AGBL1: variants seen among roughly 807,000 people sequenced by gnomAD.
AGBL1 encodes cytosolic carboxypeptidase 4.
A neutral mutation model predicts 118.9 loss-of-function variants in AGBL1; 130 were observed. The ratio of observed to expected loss-of-function variants is 1.09; its 90% CI spans 0.95 to 1.26. AGBL1 has a LOEUF of 1.26. AGBL1 is among the 50% of genes most tolerant of loss of function. AGBL1 has a pLI of 0.00. For missense variants in AGBL1, 1,584 were observed against 1,298.1 expected (o/e 1.22, Z -3.38); for synonymous variants, 555 against 478.9 (o/e 1.16, Z -2.08).
At chr15:86,722,545 A>G (rs1210373597) in intron 22 of AGBL1, among the ~76,000 whole-genome samples, 1 of 152,220 alleles carries the variant, frequency 6.6e-6, no homozygotes, top group Non-Finnish European at 1.5e-5. Flanking sequence ...ACCTAAAACC[A>G]TAAAAACCCT....
intron 18 of AGBL1, among the ~76,000 whole-genome samples, chr15:86,501,549 C>G (rs1381550352): frequency 5.3e-5 from 8 of 151,510 alleles, no homozygotes; most frequent in Non-Finnish European, 1.2e-4. Context: ...GATTTATTGT[C>G]ATGTTTCTTC....
intron 13 of AGBL1, among the ~76,000 whole-genome samples, chr15:86,268,624 T>A (rs1010861734): frequency 6.6e-6 from 1 of 152,190 alleles, no homozygotes; most frequent in African/African-American, 2.4e-5. Context: ...TTATGATTAC[T>A]TTTTGGAGAG....
intron 21 of AGBL1, among the ~76,000 whole-genome samples, chr15:86,637,722 C>G (rs1412619490): frequency 6.6e-6 from 1 of 152,002 alleles, no homozygotes; most frequent in African/African-American, 2.4e-5. Context: ...TCAGATTTTG[C>G]AGGTAGAATC....
At chr15:86,918,412 T>A (rs1400445617), downstream of AGBL1, among the ~76,000 whole-genome samples, 3 of 152,086 alleles carry the variant, frequency 2.0e-5, no homozygotes, top group East Asian at 5.8e-4. Context: ...GCAGTGGACA[T>A]CTCCTCCCTT....
chr15:86,279,148 G>A (rs577408162), intron 15 of AGBL1, among the ~76,000 whole-genome samples: 2 of 152,306 alleles, frequency 1.3e-5, no homozygotes, highest in Admixed American at 1.3e-4. Flanking sequence ...GTTAAATGTT[G>A]AATTGGAACT....
rs577854326 is a variant in AGBL1, at chr15:86,426,108, T to C, written c.2555+28562T>C. Among the ~76,000 whole-genome samples, 3 of 152,226 alleles carry C rather than the reference T, an allele frequency of 2.0e-5. No individual in the cohort carries two copies. In the South Asian group the frequency reaches 6.2e-4, roughly 32 times the overall value. On this transcript the variant is annotated intron_variant, in intron 18 of 22. Transcript: ENST00000614907. ...AACATATGTAGCAGAACACATGTAG[T>C]AGAAAACAGGAACCAATATAGAAAT...
intron 21 of AGBL1, among the ~76,000 whole-genome samples, chr15:86,569,020 T>C (rs2083961367): frequency 6.6e-6 from 1 of 152,214 alleles, no homozygotes; most frequent in African/African-American, 2.4e-5. Context: ...GTTTTTTTTT[T>C]TCACTCCCAT....
At chr15:86,420,463 G>T (rs751875352) in intron 18 of AGBL1, among the ~76,000 whole-genome samples, 4 of 152,120 alleles carry the variant, frequency 2.6e-5, no homozygotes, top group Non-Finnish European at 2.9e-5. Context: ...CCATCTGAAG[G>T]TCACCAACAT....
intron 17 of AGBL1, among the ~76,000 whole-genome samples, chr15:86,381,999 G>A (rs1017391255): frequency 6.6e-6 from 1 of 152,202 alleles, no homozygotes; most frequent in African/African-American, 2.4e-5. Flanking sequence ...TATTTAGGAG[G>A]TGGGAATGAT....
intron 24 of AGBL1, among the ~76,000 whole-genome samples, chr15:86,994,749 A>G (rs1030482171): frequency 6.8e-6 from 1 of 147,960 alleles, no homozygotes; most frequent in African/African-American, 2.7e-5. Context: ...AAGCCATTAA[A>G]AGGCTTTCCA....
At chr15:86,729,887 C>A (rs906248107) in intron 22 of AGBL1, among the ~76,000 whole-genome samples, 1 of 152,126 alleles carries the variant, frequency 6.6e-6, no homozygotes, top group Non-Finnish European at 1.5e-5. Context: ...ACATTCCCAC[C>A]GGCAGTATAT....
intron 22 of AGBL1, among the ~76,000 whole-genome samples, chr15:86,873,677 C>T (rs1479242918): frequency 1.3e-5 from 2 of 152,152 alleles, no homozygotes; most frequent in African/African-American, 4.8e-5. Flanking sequence ...AGGATATGAG[C>T]CCTCACCAAA....
chr15:86,221,695 GTT>G (rs2078282848), intron 5 of AGBL1, among the ~76,000 whole-genome samples: 1 of 151,888 alleles, frequency 6.6e-6, no homozygotes, highest in African/African-American at 2.4e-5. Flanking sequence ...GATTTCAGAT[GTT>G]TATTCTTATA....
intron 22 of AGBL1, among the ~76,000 whole-genome samples, chr15:86,768,711 A>T (rs2078130757): frequency 1.3e-5 from 2 of 151,936 alleles, no homozygotes; most frequent in African/African-American, 4.8e-5. Flanking sequence ...GAGTTATAAA[A>T]ATTAAACCAT....
intron 21 of AGBL1, among the ~76,000 whole-genome samples, chr15:86,569,541 C>T (rs546698532): frequency 5.3e-5 from 8 of 152,136 alleles, no homozygotes; most frequent in East Asian, 1.9e-4. Flanking sequence ...GCTGTTGTCT[C>T]TTTTGTTTTG....
chr15:87,012,514 A>C (rs2081571807), intron 24 of AGBL1, among the ~76,000 whole-genome samples: 1 of 152,134 alleles, frequency 6.6e-6, no homozygotes, highest in Non-Finnish European at 1.5e-5. Flanking sequence ...AATTGTTCAC[A>C]GTCACCTGGT....
Position 86,120,700 on chromosome 15 carries a change from C to G in AGBL1, c.52-21304C>G, listed in dbSNP as rs867830156. 2.0e-5 allele frequency among the ~76,000 whole-genome samples: 3 copies of G among 152,158 alleles called. No individual in the cohort carries two copies. The South Asian group carries it at 6.2e-4, about 32-fold the overall frequency. The stretch of plus-strand genomic sequence containing the variant: ...CAGAACTCTTGGCACATTTTTGGTT[C>G]TCAATAAAGGTATTTTGGTTCAATG... On this transcript the variant is annotated intron_variant, in intron 1 of 22. Coordinates refer to ENST00000614907, the MANE Select transcript of AGBL1 (RefSeq NM_001386094.1).
At chr15:86,775,657 A>G (rs533508926) in intron 22 of AGBL1, among the ~76,000 whole-genome samples, 1 of 152,192 alleles carries the variant, frequency 6.6e-6, no homozygotes, top group East Asian at 1.9e-4. Flanking sequence ...TTATACTTGG[A>G]CCTTTTCTTC....
intron 18 of AGBL1, among the ~76,000 whole-genome samples, chr15:86,426,760 G>T (rs1440937463): frequency 6.6e-6 from 1 of 152,118 alleles, no homozygotes; most frequent in African/African-American, 2.4e-5. Context: ...TATGTTATGT[G>T]TTTTGCATTT....
Sources: allele counts gnomAD v4.1 joint callset (sites outside exome capture counted in the v4.1 genomes callset), GRCh38; gene constraint gnomAD v4.1.1; transcripts MANE v1.5; gene names NCBI Gene and HGNC (gene_info 2026-07-23, HGNC 2026-07-21).